Variants in OR4E2 observed in about 807,000 individuals in gnomAD.
OR4E2 encodes the protein olfactory receptor 4E2.
Under a neutral mutation model 11.0 loss-of-function variants are expected in OR4E2, and 9 were observed. That is an observed-to-expected ratio of 0.82 (90% confidence interval 0.49 to 1.43). The LOEUF is 1.43. OR4E2 is among the 40% of genes most tolerant of loss of function. OR4E2 has a pLI of 0.00. For synonymous variants in OR4E2, 159 were observed against 147.3 expected (o/e 1.08, Z -0.57); for missense variants, 441 against 382.0 (o/e 1.15, Z -1.29).
intron 3 of OR4E2, among the ~76,000 whole-genome samples, chr14:21,661,207 T>A (rs1407389343): frequency 6.6e-6 from 1 of 152,240 alleles, no homozygotes; most frequent in African/African-American, 2.4e-5. Flanking sequence ...TTAAAATTGA[T>A]GTGTGTTCGT....
At chr14:21,659,109 C>G (rs1169846394) in intron 2 of OR4E2, among the ~76,000 whole-genome samples, 1 of 151,930 alleles carries the variant, frequency 6.6e-6, no homozygotes, top group Non-Finnish European at 1.5e-5. Context: ...GATCATAGCT[C>G]ACTGCAGCCT....
chr14:21,659,135 A>T (rs1880175476), intron 2 of OR4E2, among the ~76,000 whole-genome samples: 1 of 152,054 alleles, frequency 6.6e-6, no homozygotes, highest in African/African-American at 2.4e-5. Flanking sequence ...TCCTGAGCTT[A>T]AATGTTTCTC....
At chr14:21,654,463 GCACA>G (rs371391116) in intron 1 of OR4E2, among the ~76,000 whole-genome samples, 1 of 145,692 alleles carries the variant, frequency 6.9e-6, no homozygotes, top group African/African-American at 2.5e-5. Context: ...ACACACAGAT[GCACA>G]CACACACACA....
At chr14:21,665,022 T>G (rs904243394) in intron 3 of OR4E2, 53 bp from the exon 4 acceptor site, 2 of 910,264 alleles carry the variant, frequency 2.2e-6, no homozygotes, top group Non-Finnish European at 3.4e-6. Context: ...TTTCAATTAG[T>G]TCTATTCCTA....
intron 3 of OR4E2, among the ~76,000 whole-genome samples, chr14:21,664,539 T>G (rs1191181928): frequency 6.6e-6 from 1 of 152,158 alleles, no homozygotes; most frequent in Admixed American, 6.5e-5. Flanking sequence ...ACAAAGATTT[T>G]GGAAGGTAAG....
At chr14:21,657,442 TC>T (rs1880046408) in intron 2 of OR4E2, among the ~76,000 whole-genome samples, 196 of 3,956 alleles carry the variant, frequency 0.05, 2 homozygotes, top group East Asian at 0.16. Context: ...CTTCTTTCTT[TC>T]CTTCCTTCCT....
chr14:21,665,801 G>A lies in OR4E2; in HGVS notation c.719G>A (p.Cys240Tyr), dbSNP rs1284191222. Residue 240 changes from cysteine to tyrosine, a missense_variant, in exon 4 of 4, where the codon TGC (cysteine) becomes TAC (tyrosine). Transcript: ENST00000641524. Reference sequence around the variant, plus strand: ...GGGCGCCGGAAAGCCCTGTCTACCTGCTCGGCCCACTTCATGGTGGTTGCC... The same window carrying A: ...GGGCGCCGGAAAGCCCTGTCTACCTACTCGGCCCACTTCATGGTGGTTGCC... The part of the protein sequence containing the change: ...AEGRRKALST[C>Y]SAHFMVVALF... 2 of 1,613,798 alleles carry A rather than the reference G, an allele frequency of 1.2e-6. No homozygotes were observed. Among genetic ancestry groups the A allele is most frequent in the African/African-American group, 2.7e-5 (2 of 75,012 alleles).
chr14:21,663,699 T>C (rs572289793), intron 3 of OR4E2, among the ~76,000 whole-genome samples: 59 of 152,272 alleles, frequency 3.9e-4, no homozygotes, highest in African/African-American at 1.3e-3. Context: ...CATGGATAAG[T>C]GTGCAGGATG....
intron 3 of OR4E2, among the ~76,000 whole-genome samples, chr14:21,662,307 AT>A (rs1183298488): frequency 2.0e-5 from 3 of 151,086 alleles, no homozygotes; most frequent in Admixed American, 2.0e-4. Context: ...TATTATTATT[AT>A]TTTTTTCAGA....
rs1880612040 is a variant in OR4E2 at position 21,665,765 on chromosome 14, A to C, written c.683A>C (p.His228Pro). Residue 228 changes from histidine (H) to proline (P), a missense_variant, in exon 4 of 4, where the codon CAC (histidine) becomes CCC (proline). By Grantham distance (77) the His-to-Pro change is moderately conservative. Coordinates refer to ENST00000641524, the MANE Select transcript of OR4E2 (RefSeq NM_001001912.3). ...GTCATCCTGGTTTCTCTTCGAAAAC[A>C]CTCAGCTGAAGGGCGCCGGAAAGCC... ...YMVILVSLRK[H>P]SAEGRRKALS... The C allele has an allele frequency of 6.2e-7, 1 of 1,613,682 alleles. No homozygotes were observed. The highest frequency in any genetic ancestry group is 1.1e-5 in the South Asian group (1 of 91,054).
At chr14:21,658,828 A>C (rs1291236985) in intron 2 of OR4E2, among the ~76,000 whole-genome samples, 1 of 152,056 alleles carries the variant, frequency 6.6e-6, no homozygotes. Flanking sequence ...TTAAATGAAG[A>C]ATTCTAATAT....
rs763854269 is a variant in OR4E2, at chr14:21,665,261, A to G, written c.179A>G (p.Tyr60Cys). 2 of 1,613,860 alleles carry G rather than the reference A, an allele frequency of 1.2e-6. No individual in the cohort carries two copies. The highest frequency in any genetic ancestry group is 2.7e-5 in the African/African-American group (2 of 74,858). The part of the protein sequence containing the change: ...VFTPSLHTPM[Y>C]FFLSNLSFID... ...ACTCCAAGTCTCCATACCCCCATGTATTTCTTCCTGAGCAATCTGTCCTTT... is the reference window on the plus strand; with the variant it reads ...ACTCCAAGTCTCCATACCCCCATGTGTTTCTTCCTGAGCAATCTGTCCTTT... Residue 60 changes from tyrosine to cysteine, a missense_variant, in exon 4 of 4, where the codon TAT becomes TGT. Tyr to Cys is a radical substitution (Grantham distance 194, BLOSUM62 -2). Transcript: ENST00000641524.
At chr14:21,655,110 G>A (rs765778571) in intron 1 of OR4E2, among the ~76,000 whole-genome samples, 4 of 152,100 alleles carry the variant, frequency 2.6e-5, no homozygotes, top group Non-Finnish European at 4.4e-5. Flanking sequence ...GCCTAGCCAC[G>A]ATGACACAGA....
In OR4E2 at chr14:21,665,058, AT is replaced by A. The variant is rs35096393; in HGVS notation, c.-8-11del. 29 of 1,346,732 alleles carry A rather than the reference AT, an allele frequency of 2.2e-5. No individual in the cohort carries two copies. The highest frequency in any genetic ancestry group is 1.2e-4 in the African/African-American group (8 of 68,330). The allele number at this position is 1,346,732 out of a possible 1,614,324, so 83.4% of individuals were successfully genotyped here. ...TAATAATAAAACTAAATTAGCTTTC[AT>A]TTTTTCCCCCCTAAGCTCATTGAAT... On this transcript the variant is annotated splice_polypyrimidine_tract_variant and intron_variant, in intron 3 of 3. Coordinates refer to ENST00000641524, the MANE Select transcript of OR4E2 (RefSeq NM_001001912.3).
At position 21,657,395 on chromosome 14, in the gene OR4E2, TTCC is replaced by T. The variant is rs1384255020; in HGVS notation, c.-103+808_-103+810del. 7.9e-3 allele frequency among the ~76,000 whole-genome samples: 1,161 copies of T among 146,940 alleles called. 76 individuals are homozygous for T. The highest frequency in any genetic ancestry group is 0.063 in the Admixed American group (927 of 14,670). On this transcript the variant is annotated intron_variant, in intron 2 of 3. Coordinates refer to ENST00000641524, the MANE Select transcript of OR4E2 (RefSeq NM_001001912.3). ...CTTCCTTCCTTCCTTCCTTTCTTTC[TTCC>T]TTCCTTCCTTTCTTTCTTTCTTTCT...
chr14:21,665,917 A>G lies in OR4E2; in HGVS notation c.835A>G (p.Thr279Ala), dbSNP rs1227760364. The G allele has an allele frequency of 4.3e-6, 7 of 1,612,898 alleles. No homozygotes were observed. In the African/African-American group the frequency reaches 9.4e-5, roughly 22 times the overall value. ...GGTGTCTGTCTTCTACACAGTGGTCACCCCTTTGCTGAATCCCTTCATTTA... is the reference window on the plus strand; with the variant it reads ...GGTGTCTGTCTTCTACACAGTGGTCGCCCCTTTGCTGAATCCCTTCATTTA... The part of the protein sequence containing the change: ...KVVSVFYTVV[T>A]PLLNPFIYTL... Residue 279 changes from threonine to alanine, a missense_variant, in exon 4 of 4, where the codon ACC (threonine) becomes GCC (alanine). Transcript: ENST00000641524.
chr14:21,662,295 G>A (rs1001836818), intron 3 of OR4E2, among the ~76,000 whole-genome samples: 1 of 151,516 alleles, frequency 6.6e-6, no homozygotes, highest in Non-Finnish European at 1.5e-5. Flanking sequence ...TATATATTTT[G>A]TTATTATTAT....
intron 1 of OR4E2, among the ~76,000 whole-genome samples, chr14:21,654,728 A>T (rs2139793175): frequency 6.7e-6 from 1 of 149,358 alleles, no homozygotes; most frequent in South Asian, 2.1e-4. Context: ...CTGTGTGTAT[A>T]TACATTATAT....
intron 2 of OR4E2, among the ~76,000 whole-genome samples, chr14:21,660,226 T>C (rs896814081): frequency 1.3e-5 from 2 of 152,110 alleles, no homozygotes; most frequent in Admixed American, 6.5e-5. Flanking sequence ...CAGTTCACAA[T>C]AGGGTTTGCG....
Sources: gnomAD v4.1 joint callset for allele counts (sites outside exome capture counted in the v4.1 genomes callset) on GRCh38, gnomAD v4.1.1 for gene constraint, MANE v1.5 for transcripts, NCBI Gene and HGNC (gene_info 2026-07-23, HGNC 2026-07-21) for gene names.